SMOC2: variants seen among roughly 807,000 people sequenced by gnomAD.
The protein encoded by SMOC2 is SPARC related modular calcium binding 2.
In SMOC2, 39 loss-of-function variants were observed where a neutral mutation model predicts 61.4. The ratio of observed to expected loss-of-function variants is 0.64; its 90% CI spans 0.49 to 0.83. The LOEUF is 0.83. Ranked by LOEUF, SMOC2 falls within the 40% of genes least tolerant of loss-of-function variation. SMOC2 has a pLI of 0.00. For missense variants in SMOC2, 556 were observed against 592.9 expected (o/e 0.94, Z 0.65); for synonymous variants, 247 against 239.9 (o/e 1.03, Z -0.27).
intron 11 of SMOC2, 106 bp downstream of exon 11, chr6:168,653,334 G>T: frequency 7.4e-7 from 1 of 1,358,964 alleles, no homozygotes; most frequent in Non-Finnish European, 1.0e-6. Context: ...GCCTGGGAGT[G>T]CAAAAAATCA....
At chr6:168,615,685 A>C (rs867956632) in intron 9 of SMOC2, among the ~76,000 whole-genome samples, 9 of 130,328 alleles carry the variant, frequency 6.9e-5, no homozygotes, top group African/African-American at 1.8e-4. Context: ...ACCTACAGCC[A>C]GCACAGGGCC....
rs9364261 is a variant in SMOC2 at position 168,558,796 on chromosome 6, C to T, written c.637+9593C>T. Among the ~76,000 whole-genome samples, 32 of 133,506 alleles carry T rather than the reference C, an allele frequency of 2.4e-4. 1 individual carries two copies. The South Asian group carries it at 5.2e-3, about 22-fold the overall frequency. The allele number at this position is 133,506 out of a possible 152,430, so 87.6% of individuals were successfully genotyped here. A position where few individuals can be genotyped will look rare whatever the true frequency, so the allele number is the denominator to read the frequency against. On this transcript the variant is annotated intron_variant, in intron 7 of 12. Coordinates refer to ENST00000356284, the MANE Select transcript of SMOC2 (RefSeq NM_001166412.2). Reference sequence around the variant, plus strand: ...GTGCACATGCGTATGTGTGGGTGTGCGTGTGCGCATGTGTGTGTGTGCGTA... The same window carrying T: ...GTGCACATGCGTATGTGTGGGTGTGTGTGTGCGCATGTGTGTGTGTGCGTA...
At chr6:168,516,550 G>A (rs1229133570) in intron 2 of SMOC2, among the ~76,000 whole-genome samples, 2 of 152,182 alleles carry the variant, frequency 1.3e-5, no homozygotes, top group African/African-American at 4.8e-5. Flanking sequence ...CTGTCGCTCT[G>A]TGCATCCATC....
intron 1 of SMOC2, among the ~76,000 whole-genome samples, chr6:168,476,660 A>G (rs1782095257): frequency 1.3e-5 from 2 of 152,138 alleles, no homozygotes. Flanking sequence ...ACATACATAT[A>G]TATTTATAAT....
intron 9 of SMOC2, among the ~76,000 whole-genome samples, chr6:168,609,388 G>T (rs561210835): frequency 1.7e-3 from 265 of 152,194 alleles, no homozygotes; most frequent in Non-Finnish European, 2.7e-3. Flanking sequence ...CCTTGTGTGA[G>T]CAATCAACTT....
chr6:168,606,065 A>C (rs1294021420), intron 8 of SMOC2, among the ~76,000 whole-genome samples: 1 of 152,166 alleles, frequency 6.6e-6, no homozygotes, highest in Non-Finnish European at 1.5e-5. Context: ...AGAGTGCCCT[A>C]GTTCTACAAA....
In SMOC2 at chr6:168,519,989, C is replaced by T. The variant is rs1253164147; in HGVS notation, c.257-6357C>T. Among the ~76,000 whole-genome samples, 6 of 150,710 alleles carry T rather than the reference C, an allele frequency of 4.0e-5. No individual in the cohort carries two copies. In the South Asian group the frequency reaches 6.3e-4, roughly 16 times the overall value. On this transcript the variant is annotated intron_variant, in intron 2 of 12. Coordinates refer to ENST00000356284, the MANE Select transcript of SMOC2 (RefSeq NM_001166412.2). ...TATGCATTTAAAAAGAGAATACTTACGTAAAACGAAAATGTCGTTCCTGTC... is the reference window on the plus strand; with the variant it reads ...TATGCATTTAAAAAGAGAATACTTATGTAAAACGAAAATGTCGTTCCTGTC...
intron 4 of SMOC2, among the ~76,000 whole-genome samples, chr6:168,530,687 C>G (rs974496188): frequency 7.1e-6 from 1 of 140,348 alleles, no homozygotes; most frequent in African/African-American, 2.7e-5. Context: ...AATGAAAAAC[C>G]GTGATTCTAT....
At chr6:168,563,708 A>T (rs1784477269) in intron 7 of SMOC2, among the ~76,000 whole-genome samples, 2 of 152,162 alleles carry the variant, frequency 1.3e-5, no homozygotes, top group Non-Finnish European at 2.9e-5. Context: ...GCCATCTGTG[A>T]ACCAGGGAAT....
chr6:168,472,451 C>T lies in SMOC2; in HGVS notation c.84+30997C>T, dbSNP rs138023899. Among the ~76,000 whole-genome samples, 14 of 152,126 alleles carry T rather than the reference C, an allele frequency of 9.2e-5. No individual in the cohort carries two copies. The East Asian group carries it at 2.5e-3, about 27-fold the overall frequency. Reference sequence around the variant, plus strand: ...CTTCCACTATCACCTGGCCATTGCCCAACACTGCAATTAACAATTTTTAAA... The same window carrying T: ...CTTCCACTATCACCTGGCCATTGCCTAACACTGCAATTAACAATTTTTAAA... On this transcript the variant is annotated intron_variant, in intron 1 of 12. Coordinates refer to ENST00000356284, the MANE Select transcript of SMOC2 (RefSeq NM_001166412.2).
chr6:168,649,319 G>A (rs1787132273), intron 9 of SMOC2, among the ~76,000 whole-genome samples: 1 of 152,166 alleles, frequency 6.6e-6, no homozygotes, highest in Non-Finnish European at 1.5e-5. Flanking sequence ...CTGCTGTGGT[G>A]AGGACGGTCC....
chr6:168,514,157 T>C (rs1049107039), intron 2 of SMOC2, among the ~76,000 whole-genome samples: 1 of 152,086 alleles, frequency 6.6e-6, no homozygotes, highest in African/African-American at 2.4e-5. Context: ...CGCTGCAAAT[T>C]TGTTTACTCT....
intron 4 of SMOC2, 87 bp downstream of exon 4, chr6:168,527,814 A>G: frequency 1.1e-6 from 1 of 930,582 alleles, no homozygotes; most frequent in Non-Finnish European, 1.7e-6. Context: ...GTTTACTGAT[A>G]ATTCAAAGGG....
At chr6:168,570,305 G>A (rs1784636040) in intron 7 of SMOC2, among the ~76,000 whole-genome samples, 1 of 152,180 alleles carries the variant, frequency 6.6e-6, no homozygotes, top group Non-Finnish European at 1.5e-5. Context: ...GTGAGAAGAT[G>A]TGACTTCTCT....
chr6:168,531,203 G>A (rs1373432804), intron 4 of SMOC2, among the ~76,000 whole-genome samples: 1 of 152,110 alleles, frequency 6.6e-6, no homozygotes, highest in Non-Finnish European at 1.5e-5. Flanking sequence ...GCGGTGGAGA[G>A]CAGGGGGGTC....
In SMOC2 at chr6:168,475,646, G is replaced by A. The variant is rs1782063094; in HGVS notation, c.84+34192G>A. The stretch of plus-strand genomic sequence containing the variant: ...TGAGTCCAGAGCGGGGACAGAGGAC[G>A]AGAACTGAGACCTGCTTCCCACGCG... On this transcript the variant is annotated intron_variant, in intron 1 of 12. Coordinates refer to ENST00000356284, the MANE Select transcript of SMOC2 (RefSeq NM_001166412.2). The surrounding 1 kb of genome is among the most constrained non-coding windows in gnomAD (Gnocchi z 4.6). Among the ~76,000 whole-genome samples, 1 of 152,136 alleles carries A rather than the reference G, an allele frequency of 6.6e-6. No individual in the cohort carries two copies. The highest frequency in any genetic ancestry group is 1.5e-5 in the Non-Finnish European group (1 of 68,010).
At chr6:168,628,477 C>T (rs371370071) in intron 9 of SMOC2, among the ~76,000 whole-genome samples, 5 of 152,192 alleles carry the variant, frequency 3.3e-5, no homozygotes, top group Admixed American at 1.3e-4. Flanking sequence ...AGACTGTGGG[C>T]CAGGTCTCCG....
At chr6:168,546,664 C>T (rs1784011180) in intron 5 of SMOC2, among the ~76,000 whole-genome samples, 1 of 152,148 alleles carries the variant, frequency 6.6e-6, no homozygotes, top group Non-Finnish European at 1.5e-5. Context: ...CCTTGCCTTT[C>T]TCTTGGGGAA....
intron 1 of SMOC2, among the ~76,000 whole-genome samples, chr6:168,447,600 GA>G (rs1300293988): frequency 6.6e-6 from 1 of 152,124 alleles, no homozygotes; most frequent in East Asian, 1.9e-4. Flanking sequence ...TTTTTGGGGG[GA>G]AAGGGGTAGG....
Sources: gnomAD v4.1 joint callset for allele counts (sites outside exome capture counted in the v4.1 genomes callset) on GRCh38, gnomAD v4.1.1 for gene constraint, Gnocchi (gnomAD v3.1) non-coding constraint, MANE v1.5 for transcripts, NCBI Gene and HGNC (gene_info 2026-07-23, HGNC 2026-07-21) for gene names.